Variants in LGR6 observed in about 807,000 individuals in gnomAD.
LGR6 encodes leucine rich repeat containing G protein-coupled receptor 6, also known as leucine-rich repeat-containing G protein-coupled receptor 6.
A neutral mutation model predicts 69.4 loss-of-function variants in LGR6; 45 were observed. That is an observed-to-expected ratio of 0.65 (90% CI 0.51 to 0.83). The LOEUF (loss-of-function observed/expected upper bound fraction) is 0.83, where lower values mean the gene tolerates loss of function less well. Ranked by LOEUF, LGR6 falls within the 40% of genes least tolerant of loss-of-function variation. LGR6 has a pLI of 0.00. For synonymous variants in LGR6, 538 were observed against 555.0 expected, an observed-to-expected ratio of 0.97 and a Z score of 0.43; for missense variants, 1,108 against 1,246.7, an observed-to-expected ratio of 0.89 and a Z score of 1.68.
intron 6 of LGR6, among the ~76,000 whole-genome samples, chr1:202,282,474 G>A (rs1361234978): frequency 6.6e-6 from 1 of 152,166 alleles, no homozygotes; most frequent in African/African-American, 2.4e-5. Flanking sequence ...GCTGTTTGGG[G>A]GAATCCTAGA....
At chr1:202,209,064 T>C (rs1659366892) in intron 1 of LGR6, among the ~76,000 whole-genome samples, 1 of 152,142 alleles carries the variant, frequency 6.6e-6, no homozygotes, top group Non-Finnish European at 1.5e-5. Flanking sequence ...TTGCTTAGTG[T>C]TTGACCCCCT....
intron 4 of LGR6, among the ~76,000 whole-genome samples, chr1:202,253,369 C>T (rs140699816): frequency 3.8e-4 from 57 of 151,836 alleles, no homozygotes; most frequent in African/African-American, 1.4e-3. Context: ...GTGGCGCGAT[C>T]TCGGCTCACT....
At chr1:202,277,325 A>G (rs1665647263) in intron 5 of LGR6, among the ~76,000 whole-genome samples, 1 of 152,130 alleles carries the variant, frequency 6.6e-6, no homozygotes, top group African/African-American at 2.4e-5. Flanking sequence ...CATTTGAGAG[A>G]TGAAAAGGCA....
chr1:202,287,588 G>A (rs1666483650), intron 6 of LGR6, among the ~76,000 whole-genome samples: 1 of 152,134 alleles, frequency 6.6e-6, no homozygotes, highest in Non-Finnish European at 1.5e-5. Flanking sequence ...CAGACTTCCA[G>A]ACTAAACCCC....
At chr1:202,259,072 T>C (rs1389529481) in intron 4 of LGR6, among the ~76,000 whole-genome samples, 1 of 152,132 alleles carries the variant, frequency 6.6e-6, no homozygotes, top group Non-Finnish European at 1.5e-5. Context: ...CATTATACTA[T>C]AATAGAATTT....
chr1:202,261,078 TTTA>T (rs543764957), intron 4 of LGR6, among the ~76,000 whole-genome samples: 43 of 151,360 alleles, frequency 2.8e-4, no homozygotes, highest in South Asian at 4.2e-4. Flanking sequence ...ATGTTTTCTT[TTTA>T]TTATTATTAT....
chr1:202,215,505 C>T (rs191535516), intron 1 of LGR6, among the ~76,000 whole-genome samples: 1 of 152,272 alleles, frequency 6.6e-6, no homozygotes, highest in Admixed American at 6.5e-5. Flanking sequence ...AAACAGTGCC[C>T]TCCTAGATGG....
At chr1:202,297,450 G>A (rs1412265578) in intron 6 of LGR6, 58 bp from the exon 7 acceptor site, 7 of 1,411,694 alleles carry the variant, frequency 5.0e-6, no homozygotes, top group Non-Finnish European at 6.9e-6. Context: ...ATTTCTCAGG[G>A]ACCCTGACAT....
At chr1:202,251,042 G>A (rs1663189302) in intron 4 of LGR6, among the ~76,000 whole-genome samples, 1 of 152,182 alleles carries the variant, frequency 6.6e-6, no homozygotes, top group Admixed American at 6.5e-5. Flanking sequence ...GTTTCGGGGA[G>A]GTGGCATAGC....
Position 202,280,850 on chromosome 1 carries a change from A to C in LGR6, c.714A>C (p.Thr238=). The change falls in exon 6 of 18, where the codon ACA becomes ACC. Residue 238 remains threonine, a splice_region_variant and synonymous_variant. Coordinates refer to ENST00000367278, the MANE Select transcript of LGR6 (RefSeq NM_001017403.2). ...TCGAGGGGCTGCACAATCTGGAGAC[A>C]CTGTGAGTTTTGAGGTCTTGGTCAA... The part of the protein sequence containing the change: ...HSFEGLHNLE[T]LDLNYNKLQE... 6.2e-7 allele frequency: 1 copy of C among 1,613,514 alleles called. No individual in the cohort carries two copies. Among genetic ancestry groups the C allele is most frequent in the Non-Finnish European group, 8.5e-7 (1 of 1,179,656 alleles).
At chr1:202,249,136 C>G (rs995859016) in intron 4 of LGR6, among the ~76,000 whole-genome samples, 1 of 152,202 alleles carries the variant, frequency 6.6e-6, no homozygotes, top group African/African-American at 2.4e-5. Flanking sequence ...TCCTCCCCTT[C>G]ACAGTCCACA....
chr1:202,285,673 C>T (rs182256476), intron 6 of LGR6, among the ~76,000 whole-genome samples: 64 of 152,258 alleles, frequency 4.2e-4, no homozygotes, highest in African/African-American at 1.5e-3. Context: ...GGATGTTACC[C>T]AGAAGTGTCA....
rs137866080 is a variant in LGR6, at chr1:202,260,579, G to A, written c.429-15727G>A. On this transcript the variant is annotated intron_variant, in intron 4 of 17. Coordinates refer to ENST00000367278, the MANE Select transcript of LGR6 (RefSeq NM_001017403.2). ...GAACTCCTGACATCCGCCTGTCTTG[G>A]CTTCCCAAAGTGTCGGGAATGAGCC... 4.7e-3 allele frequency among the ~76,000 whole-genome samples: 710 copies of A among 152,268 alleles called. 5 individuals carry two copies. The highest frequency in any genetic ancestry group is 3.1e-3 in the Non-Finnish European group (212 of 68,020).
intron 15 of LGR6, 99 bp downstream of exon 15, chr1:202,309,275 G>C (rs1653523715): frequency 6.9e-7 from 1 of 1,452,094 alleles, no homozygotes; most frequent in Non-Finnish European, 9.3e-7. Flanking sequence ...AGAGCCTAGA[G>C]GCTTAGGGTT....
intron 1 of LGR6, among the ~76,000 whole-genome samples, chr1:202,196,643 G>A (rs1298684757): frequency 6.6e-6 from 1 of 152,204 alleles, no homozygotes; most frequent in Non-Finnish European, 1.5e-5. Context: ...TGGATTAAAT[G>A]AGATAATATG....
intron 11 of LGR6, 39 bp downstream of exon 11, chr1:202,304,669 C>A: frequency 6.6e-7 from 1 of 1,520,760 alleles, no homozygotes; most frequent in Non-Finnish European, 9.1e-7. Flanking sequence ...TGGCATTGTG[C>A]CCCTACCCCC....
chr1:202,313,038 C>T (rs1253024723), intron 16 of LGR6, among the ~76,000 whole-genome samples: 10 of 150,692 alleles, frequency 6.6e-5, no homozygotes, highest in African/African-American at 2.2e-4. Context: ...ACCATCCTGG[C>T]TAACACCATG....
chr1:202,196,203 T>G (rs1658633862), intron 1 of LGR6, among the ~76,000 whole-genome samples: 1 of 152,094 alleles, frequency 6.6e-6, no homozygotes, highest in African/African-American at 2.4e-5. Context: ...GAGGACCGTG[T>G]CCCCTGCCCT....
intron 1 of LGR6, 92 bp downstream of exon 1, chr1:202,194,293 C>A: frequency 1.1e-6 from 1 of 902,384 alleles, no homozygotes; most frequent in Non-Finnish European, 1.6e-6. Flanking sequence ...TGCTTGGTGC[C>A]CTGGGGCATG....
Sources: allele counts gnomAD v4.1 joint callset (sites outside exome capture counted in the v4.1 genomes callset), GRCh38; gene constraint gnomAD v4.1.1; transcripts MANE v1.5; gene names NCBI Gene and HGNC (gene_info 2026-07-23, HGNC 2026-07-21).